Variants in MME observed in about 807,000 individuals in gnomAD.
MME encodes membrane metalloendopeptidase.
In MME, 98 loss-of-function variants were observed where a neutral mutation model predicts 113.2. The observed-to-expected ratio is 0.87, with a 90% CI of 0.74 to 1.02. The LOEUF (loss-of-function observed/expected upper bound fraction) is 1.02. Among genes scored for constraint, MME ranks in the 50% least tolerant of loss-of-function variants. The pLI is 0.00. For synonymous variants in MME, 292 were observed against 300.6 expected (o/e 0.97, Z 0.30); for missense variants, 836 against 896.0 (o/e 0.93, Z 0.86).
intron 8 of MME, among the ~76,000 whole-genome samples, chr3:155,119,191 T>G (rs1328700031): frequency 1.3e-5 from 2 of 152,174 alleles, no homozygotes; most frequent in Admixed American, 1.3e-4. Context: ...CAGTGAGAGA[T>G]ACACTCTGCA....
chr3:155,070,420 G>C (rs1714514522), intron 1 of MME, among the ~76,000 whole-genome samples: 1 of 152,166 alleles, frequency 6.6e-6, no homozygotes, highest in Non-Finnish European at 1.5e-5. Context: ...AACAGATCAG[G>C]ATGAGTTTTT....
chr3:155,118,623 G>C, intron 7 of MME, 123 bp from the exon 8 acceptor site: 1 of 703,088 alleles, frequency 1.4e-6, no homozygotes, highest in Non-Finnish European at 2.6e-6. Context: ...TTGAGTGTCT[G>C]ATGGTCACCC....
At chr3:155,026,760 AAAAG>A (rs1476419185) in intron 1 of MME, among the ~76,000 whole-genome samples, 6 of 152,128 alleles carry the variant, frequency 3.9e-5, no homozygotes, top group African/African-American at 7.2e-5. Flanking sequence ...GCAAGAAAGA[AAAAG>A]AAGCCTCTTA....
In MME at chr3:155,083,949, A is replaced by G. The variant is rs1715407538; in HGVS notation, c.-10-209A>G. On this transcript the variant is annotated intron_variant, in intron 1 of 22. Coordinates refer to ENST00000360490, the MANE Select transcript of MME (RefSeq NM_007289.4). ...AAACAAAACAAAACAACAGCAACAAAAAACAAAAGGTTGTGACTGAGACCT... is the reference window on the plus strand; with the variant it reads ...AAACAAAACAAAACAACAGCAACAAGAAACAAAAGGTTGTGACTGAGACCT... The G allele has an allele frequency of 7.5e-6, 4 of 535,096 alleles. No homozygotes were observed. In the East Asian group the frequency reaches 1.3e-4, roughly 18 times the overall value. The allele number at this position is 535,096 out of a possible 1,614,324, so 33.1% of individuals were successfully genotyped here.
At position 155,118,819 on chromosome 3, in the gene MME, GA is replaced by G. The variant is rs553956776; in HGVS notation, c.720+16del. 437 of 1,555,540 alleles carry G rather than the reference GA, an allele frequency of 2.8e-4. 2 individuals carry two copies. In the African/African-American group the frequency reaches 4.9e-3, roughly 17 times the overall value. ...ACTGGAATCTATAAAGAGGTAAAAA[GA>G]AAAAAAATAATCAAAACCAAACTAC... On this transcript the variant is annotated intron_variant, in intron 8 of 22. Transcript: ENST00000360490.
intron 4 of MME, among the ~76,000 whole-genome samples, chr3:155,115,859 G>C (rs972666600): frequency 2.0e-5 from 3 of 152,174 alleles, no homozygotes; most frequent in Non-Finnish European, 4.4e-5. Context: ...TGCCTTCCCA[G>C]CACAGGTATA....
intron 8 of MME, among the ~76,000 whole-genome samples, chr3:155,126,085 T>C (rs983404359): frequency 1.7e-4 from 26 of 152,162 alleles, no homozygotes; most frequent in African/African-American, 5.6e-4. Flanking sequence ...GAAAAAGATA[T>C]ATCATCAAAG....
At chr3:155,093,517 C>T (rs1320905986) in intron 3 of MME, among the ~76,000 whole-genome samples, 1 of 152,120 alleles carries the variant, frequency 6.6e-6, no homozygotes. Flanking sequence ...GTTGGTTTTT[C>T]ACACAGGTGC....
At chr3:155,149,234 A>T (rs1172847179) in intron 16 of MME, among the ~76,000 whole-genome samples, 1 of 152,168 alleles carries the variant, frequency 6.6e-6, no homozygotes. Context: ...TTTTTCTATT[A>T]AATAGATATA....
At chr3:155,163,657 G>C (rs3773877) in intron 17 of MME, among the ~76,000 whole-genome samples, 3,191 of 152,262 alleles carry the variant, frequency 0.021, 68 homozygotes, top group East Asian at 0.11. Flanking sequence ...TAAAATTGCA[G>C]AAAGGATCTT....
chr3:155,125,578 G>A (rs1283735088), intron 8 of MME, among the ~76,000 whole-genome samples: 1 of 150,004 alleles, frequency 6.7e-6, no homozygotes, highest in Non-Finnish European at 1.5e-5. Flanking sequence ...TCCCAGCCTC[G>A]GCCTCCTGAG....
chr3:155,084,935 C>T, intron 2 of MME, 124 bp from the exon 3 acceptor site: 4 of 605,554 alleles, frequency 6.6e-6, no homozygotes, highest in East Asian at 5.9e-5. Context: ...ATATAATGTT[C>T]AGTTTTTAGT....
intron 3 of MME, among the ~76,000 whole-genome samples, chr3:155,108,411 C>A (rs1184425747): frequency 6.6e-6 from 1 of 152,034 alleles, no homozygotes; most frequent in Non-Finnish European, 1.5e-5. Flanking sequence ...GCCTGGCCAA[C>A]ATGGGGAAAC....
chr3:155,116,556 G>GA lies in MME; in HGVS notation c.438dup (p.Ser147IlefsTer4). The stretch of plus-strand genomic sequence containing the variant: ...AGCATTGTACAGGTCTTGTATAAAT[G>GA]AATGTAAGTGCTCTTCATTTGATTT... On this transcript the variant is annotated frameshift_variant, in exon 5 of 23. Transcript: ENST00000360490. LOFTEE classifies it high-confidence loss of function. The GA allele has an allele frequency of 1.2e-6, 2 of 1,602,124 alleles. No individual in the cohort carries two copies. Among genetic ancestry groups the GA allele is most frequent in the Non-Finnish European group, 1.7e-6 (2 of 1,170,230 alleles).
intron 1 of MME, among the ~76,000 whole-genome samples, chr3:155,060,862 A>T (rs530435485): frequency 0.012 from 1,830 of 147,468 alleles, 27 homozygotes; most frequent in African/African-American, 0.045. Context: ...AGAGAGAGTG[A>T]GAGAGAGAGA....
Position 155,167,330 on chromosome 3 carries a change from T to C in MME, c.1780+309T>C, listed in dbSNP as rs61760398. Among the ~76,000 whole-genome samples the C allele has an allele frequency of 0.12, 18,472 of 152,142 alleles. 1,510 individuals carry two copies. Among genetic ancestry groups the C allele is most frequent in the Non-Finnish European group, 0.19 (12,950 of 67,954 alleles). Reference sequence around the variant, plus strand: ...TAGTTTCCTGGTTGTATATGACGTATCTTGTCATACTCTTAAAGGACAGGC... The same window carrying C: ...TAGTTTCCTGGTTGTATATGACGTACCTTGTCATACTCTTAAAGGACAGGC... On this transcript the variant is annotated intron_variant, in intron 18 of 22. Transcript: ENST00000360490.
chr3:155,137,017 G>C (rs1720688630), intron 8 of MME, among the ~76,000 whole-genome samples: 1 of 152,108 alleles, frequency 6.6e-6, no homozygotes, highest in Non-Finnish European at 1.5e-5. Flanking sequence ...ACAAAAGTGG[G>C]ACTCCATTTC....
chr3:155,035,071 T>C (rs1004652006), intron 1 of MME, among the ~76,000 whole-genome samples: 5 of 152,044 alleles, frequency 3.3e-5, no homozygotes, highest in Admixed American at 2.6e-4. Context: ...ATAATGGAGA[T>C]GGAATGTTTA....
intron 3 of MME, among the ~76,000 whole-genome samples, chr3:155,102,960 G>T (rs1311330368): frequency 5.3e-5 from 8 of 152,102 alleles, no homozygotes; most frequent in African/African-American, 1.9e-4. Flanking sequence ...TGTCAAAAAC[G>T]TCACCTACTT....
Sources: allele counts gnomAD v4.1 joint callset (sites outside exome capture counted in the v4.1 genomes callset), GRCh38; gene constraint gnomAD v4.1.1; transcripts MANE v1.5; gene names NCBI Gene and HGNC (gene_info 2026-07-23, HGNC 2026-07-21).